Variants in PRKCI observed in about 807,000 individuals in gnomAD.
PRKCI encodes protein kinase C iota type.
PRKCI carries 43 observed loss-of-function variants against 84.0 expected under a neutral mutation model. The ratio of observed to expected loss-of-function variants is 0.51; its 90% CI spans 0.40 to 0.66. PRKCI has a LOEUF of 0.66. Ranked by LOEUF, PRKCI falls within the 30% of genes least tolerant of loss-of-function variation. PRKCI has a pLI of 0.00. For missense variants in PRKCI, 459 were observed against 745.6 expected, an observed-to-expected ratio of 0.62 and a Z score of 4.48; for synonymous variants, 216 against 234.4, an observed-to-expected ratio of 0.92 and a Z score of 0.72.
intron 15 of PRKCI, 119 bp from the exon 16 acceptor site, chr3:170,297,185 A>T: frequency 1.3e-6 from 1 of 759,026 alleles, no homozygotes; most frequent in Non-Finnish European, 2.2e-6. Flanking sequence ...AATAAAAGGT[A>T]GACCATTCCA....
At chr3:170,298,891 A>C (rs575271387) in intron 16 of PRKCI, 104 bp from the exon 17 acceptor site, 2 of 726,238 alleles carry the variant, frequency 2.8e-6, no homozygotes, top group South Asian at 1.6e-5. Context: ...ACCATGCTTC[A>C]GGACTCACTT....
At chr3:170,268,645 G>T (rs1733923477) in intron 5 of PRKCI, among the ~76,000 whole-genome samples, 1 of 152,122 alleles carries the variant, frequency 6.6e-6, no homozygotes, top group Non-Finnish European at 1.5e-5. Flanking sequence ...GTTGTAATTT[G>T]ATTTTCACTG....
At chr3:170,262,841 T>C (rs1733764020) in intron 3 of PRKCI, among the ~76,000 whole-genome samples, 1 of 150,878 alleles carries the variant, frequency 6.6e-6, no homozygotes, top group Non-Finnish European at 1.5e-5. Flanking sequence ...TCTTTTTTTT[T>C]TTTTTTTTTA....
chr3:170,284,503 T>C lies in PRKCI; in HGVS notation c.1110T>C (p.His370=), dbSNP rs369770534. 2.6e-5 allele frequency: 42 copies of C among 1,599,942 alleles called. No individual in the cohort carries two copies. The highest frequency in any genetic ancestry group is 3.6e-5 in the Non-Finnish European group (42 of 1,168,306). ...AEISLALNYL[H]ERGIIYRDLK... ...TCAGTCTAGCATTAAATTATCTTCA[T>C]GAGCGAGGGATAATTTATAGAGATT... The change falls in exon 12 of 18, where the codon CAT becomes CAC. Residue 370 remains histidine, a synonymous_variant. Transcript: ENST00000295797.
intron 2 of PRKCI, among the ~76,000 whole-genome samples, chr3:170,240,341 T>C (rs1320847411): frequency 6.6e-6 from 1 of 152,140 alleles, no homozygotes; most frequent in East Asian, 1.9e-4. Context: ...CATAGTAAAT[T>C]AACTTTCTGA....
intron 3 of PRKCI, among the ~76,000 whole-genome samples, chr3:170,262,281 ATATTT>A (rs1733747095): frequency 6.6e-6 from 1 of 152,192 alleles, no homozygotes; most frequent in South Asian, 2.1e-4. Context: ...TTAAAAACCA[ATATTT>A]TATGTTCCAT....
chr3:170,293,079 A>G (rs940456615), intron 13 of PRKCI, among the ~76,000 whole-genome samples: 1 of 152,072 alleles, frequency 6.6e-6, no homozygotes, highest in African/African-American at 2.4e-5. Context: ...TTACTCTGAA[A>G]TACAATTTAA....
chr3:170,251,415 T>C (rs1486498066), intron 2 of PRKCI, among the ~76,000 whole-genome samples: 1 of 151,996 alleles, frequency 6.6e-6, no homozygotes, highest in Non-Finnish European at 1.5e-5. Flanking sequence ...TTTGCAACAT[T>C]TACAACAAAG....
At chr3:170,246,127 T>C (rs1216172766) in intron 2 of PRKCI, among the ~76,000 whole-genome samples, 1 of 151,584 alleles carries the variant, frequency 6.6e-6, no homozygotes, top group Non-Finnish European at 1.5e-5. Context: ...TAATTTTTTT[T>C]CTTTTTTTTC....
chr3:170,270,622 T>TAAC (rs1733979882), intron 6 of PRKCI, 61 bp downstream of exon 6: 1 of 1,506,790 alleles, frequency 6.6e-7, no homozygotes, highest in Admixed American at 2.1e-5. Flanking sequence ...AACACTGCTA[T>TAAC]AACAGAGTGC....
intron 12 of PRKCI, among the ~76,000 whole-genome samples, chr3:170,290,639 TA>T (rs1734528373): frequency 6.6e-6 from 1 of 152,218 alleles, no homozygotes; most frequent in African/African-American, 2.4e-5. Flanking sequence ...ATTCTCATAT[TA>T]ACTTCTCCTA....
intron 3 of PRKCI, among the ~76,000 whole-genome samples, chr3:170,262,133 A>G (rs923972913): frequency 1.8e-4 from 27 of 152,254 alleles, no homozygotes; most frequent in African/African-American, 6.0e-4. Context: ...TCATAAATAC[A>G]TTGTTGCTTT....
chr3:170,302,101 C>A (rs1734835113), intron 17 of PRKCI, among the ~76,000 whole-genome samples: 1 of 152,204 alleles, frequency 6.6e-6, no homozygotes, highest in Non-Finnish European at 1.5e-5. Context: ...GCAACCAGAT[C>A]TTTGATGGAT....
At chr3:170,256,424 T>A (rs1733584243) in intron 2 of PRKCI, among the ~76,000 whole-genome samples, 1 of 152,206 alleles carries the variant, frequency 6.6e-6, no homozygotes, top group African/African-American at 2.4e-5. Context: ...TAGGAATTTA[T>A]CCATTTCTTC....
At chr3:170,267,430 A>T (rs9845502) in intron 4 of PRKCI, among the ~76,000 whole-genome samples, 12,291 of 151,922 alleles carry the variant, frequency 0.081, 1,189 homozygotes, top group African/African-American at 0.23. Flanking sequence ...TCCCAGCACT[A>T]TGGGAGGCCG....
intron 12 of PRKCI, among the ~76,000 whole-genome samples, chr3:170,285,269 C>T (rs747362028): frequency 1.1e-4 from 16 of 151,942 alleles, no homozygotes; most frequent in South Asian, 4.2e-4. Flanking sequence ...TTAGAAGAGA[C>T]GGGGTTTCAC....
intron 4 of PRKCI, among the ~76,000 whole-genome samples, chr3:170,264,464 A>C (rs532652689): frequency 6.6e-6 from 1 of 152,134 alleles, no homozygotes; most frequent in African/African-American, 2.4e-5. Flanking sequence ...CTTTTAGTAG[A>C]GTTGAGGTTT....
intron 17 of PRKCI, among the ~76,000 whole-genome samples, chr3:170,301,772 T>G (rs1734825472): frequency 6.6e-6 from 1 of 152,186 alleles, no homozygotes; most frequent in Non-Finnish European, 1.5e-5. Context: ...ACTCCTTCAC[T>G]TTGCAACCTA....
intron 13 of PRKCI, among the ~76,000 whole-genome samples, chr3:170,292,495 T>A (rs1734576666): frequency 1.3e-5 from 2 of 152,200 alleles, no homozygotes; most frequent in Non-Finnish European, 2.9e-5. Context: ...GTTTTGGCCC[T>A]CTGCCTTCAG....
Sources: gnomAD v4.1 joint callset for allele counts (sites outside exome capture counted in the v4.1 genomes callset) on GRCh38, gnomAD v4.1.1 for gene constraint, MANE v1.5 for transcripts, NCBI Gene and HGNC (gene_info 2026-07-23, HGNC 2026-07-21) for gene names.